C6orf132: variants seen among roughly 807,000 people sequenced by gnomAD.
C6orf132 encodes uncharacterized protein C6orf132.
Under a neutral mutation model 65.3 loss-of-function variants are expected in C6orf132, and 43 were observed. That is an observed-to-expected ratio of 0.66 (90% confidence interval 0.52 to 0.85). The LOEUF is 0.85. Among genes scored for constraint, C6orf132 ranks in the 40% least tolerant of loss-of-function variants. C6orf132 has a pLI of 0.00. For missense variants in C6orf132, 1,488 were observed against 1,548.8 expected, an observed-to-expected ratio of 0.96 and a Z score of 0.66; for synonymous variants, 631 against 654.1, an observed-to-expected ratio of 0.96 and a Z score of 0.54.
At chr6:42,136,137 AT>A (rs1766938122) in intron 1 of C6orf132, among the ~76,000 whole-genome samples, 2 of 142,990 alleles carry the variant, frequency 1.4e-5, no homozygotes, top group Admixed American at 1.5e-4. Flanking sequence ...TAAAAAAAAA[AT>A]AAAAACTTAC....
In C6orf132 at chr6:42,110,252, A is replaced by T; in HGVS notation, c.292T>A (p.Ser98Thr). The T allele has an allele frequency of 6.5e-7, 1 of 1,548,346 alleles. No individual in the cohort carries two copies. The highest frequency in any genetic ancestry group is 2.5e-5 in the East Asian group (1 of 40,474). Residue 98 changes from serine to threonine, a missense_variant, in exon 3 of 5, where the codon TCG becomes ACG. Physicochemically the swap from Ser to Thr is moderately conservative, Grantham distance 58 (BLOSUM62 1). Transcript: ENST00000341865. ...ENHGLAVPTPSVPDDFADKEV... is the reference protein window; with the variant it reads ...ENHGLAVPTPTVPDDFADKEV... The stretch of plus-strand genomic sequence containing the variant: ...TTGTCTGCAAAATCATCTGGAACCG[A>T]GGGGGTGGGCACAGCCAGCCCATGG...
chr6:42,142,186 G>C, intron 1 of C6orf132, 114 bp downstream of exon 1: 1 of 1,246,946 alleles, frequency 8.0e-7, no homozygotes, highest in Admixed American at 2.5e-5. Flanking sequence ...CTCTCGGCCA[G>C]TCCGCAGGTT....
intron 1 of C6orf132, among the ~76,000 whole-genome samples, chr6:42,139,490 C>T (rs1259459041): frequency 1.3e-5 from 2 of 152,230 alleles, no homozygotes; most frequent in African/African-American, 4.8e-5. Flanking sequence ...AGCTACTCAA[C>T]TCTAGCCATA....
chr6:42,110,750 T>C (rs1425707929), intron 2 of C6orf132, among the ~76,000 whole-genome samples: 1 of 152,224 alleles, frequency 6.6e-6, no homozygotes, highest in Non-Finnish European at 1.5e-5. Flanking sequence ...AAGACACTTG[T>C]TTTTGTATGA....
At chr6:42,132,904 C>G (rs1766876784) in intron 1 of C6orf132, among the ~76,000 whole-genome samples, 2 of 148,286 alleles carry the variant, frequency 1.3e-5, no homozygotes, top group Admixed American at 6.6e-5. Flanking sequence ...GGAGGTGTGG[C>G]TGCAATCAGG....
chr6:42,106,067 G>A lies in C6orf132; in HGVS notation c.1845C>T (p.Ala615=), dbSNP rs1422437606. 10 of 1,537,214 alleles carry A rather than the reference G, an allele frequency of 6.5e-6. No homozygotes were observed. Among genetic ancestry groups the A allele is most frequent in the Non-Finnish European group, 8.7e-6 (10 of 1,146,886 alleles). Residue 615 remains alanine (A), a synonymous_variant, in exon 4 of 5, where the codon GCC becomes GCT. Coordinates refer to ENST00000341865, the MANE Select transcript of C6orf132 (RefSeq NM_001164446.3). ...ADDDKLSKPV[A]KNLPPQSTTL... ...TGGTGGATTGAGGTGGCAGATTCTT[G>A]GCCACAGGCTTGGAGAGTTTGTCAT... is the stretch of plus-strand genomic sequence containing the variant.
chr6:42,110,380 G>GA, intron 2 of C6orf132, 89 bp from the exon 3 acceptor site: 1 of 1,015,016 alleles, frequency 9.9e-7, no homozygotes, highest in Non-Finnish European at 1.4e-6. Flanking sequence ...TTTACTGCTT[G>GA]AAAATCTGCA....
chr6:42,138,850 AACACAC>A (rs59373265), intron 1 of C6orf132, among the ~76,000 whole-genome samples: 13 of 142,748 alleles, frequency 9.1e-5, no homozygotes, highest in Non-Finnish European at 1.2e-4. Flanking sequence ...CATGCATTTA[AACACAC>A]ACACACACAC....
In C6orf132 at chr6:42,137,185, C is replaced by G. The variant is rs2474348; in HGVS notation, c.145+5115G>C. Among the ~76,000 whole-genome samples, 791 of 152,222 alleles carry G rather than the reference C, an allele frequency of 5.2e-3. 7 individuals are homozygous for G. Among genetic ancestry groups the G allele is most frequent in the African/African-American group, 0.018 (735 of 41,532 alleles). On this transcript the variant is annotated intron_variant, in intron 1 of 4. Coordinates refer to ENST00000341865, the MANE Select transcript of C6orf132 (RefSeq NM_001164446.3). ...GACATTCAAAGCTTTTAGTCCAGAG[C>G]CTGGTGACAATAATTACATTACTGT...
intron 2 of C6orf132, among the ~76,000 whole-genome samples, chr6:42,112,016 C>T (rs1401022724): frequency 1.1e-5 from 1 of 88,960 alleles, no homozygotes; most frequent in Non-Finnish European, 2.2e-5. Flanking sequence ...TCACCGACTC[C>T]CTCCCTGCCA....
In C6orf132 at chr6:42,103,796, C is replaced by T. The variant is rs1016379273; in HGVS notation, c.3532G>A (p.Val1178Ile). The T allele has an allele frequency of 7.4e-6, 11 of 1,485,596 alleles. No homozygotes were observed. The Admixed American group carries it at 1.8e-4, about 24-fold the overall frequency. The allele number at this position is 1,485,596 out of a possible 1,614,324, so 92.0% of individuals were successfully genotyped here. ...GCTTTCCGATGGGCCCCTGAGCAGA[C>T]ATAGGAGATGGGATGGCGGGTCCCA... is the stretch of plus-strand genomic sequence containing the variant. ...RPGTRHPISY[V>I]CSGAHRKATS Residue 1178 changes from valine (V) to isoleucine (I), a missense_variant, in exon 5 of 5, where the codon GTC (valine) becomes ATC (isoleucine). Val to Ile is a conservative substitution (Grantham distance 29, BLOSUM62 3). Transcript: ENST00000341865.
In C6orf132 at chr6:42,107,504, A is replaced by G; in HGVS notation, c.408T>C (p.Asp136=). ...GDLRPGQYGQ[D]LLIPPPPPGP... is the part of the protein sequence containing the mutation. ...CTGGGGGAGGTGGGGGGATGAGTAG[A>G]TCCTGGCCATATTGTCCAGGCCTCA... Residue 136 remains aspartate, a synonymous_variant, in exon 4 of 5, where the codon GAT becomes GAC. Coordinates refer to ENST00000341865, the MANE Select transcript of C6orf132 (RefSeq NM_001164446.3). The G allele has an allele frequency of 6.5e-7, 1 of 1,549,356 alleles. No homozygotes were observed.
Position 42,106,923 on chromosome 6 carries a change from G to A in C6orf132, c.989C>T (p.Ala330Val), listed in dbSNP as rs1562033698. 1 of 1,536,174 alleles carries A rather than the reference G, an allele frequency of 6.5e-7. No individual in the cohort carries two copies. Among genetic ancestry groups the A allele is most frequent in the Non-Finnish European group, 8.7e-7 (1 of 1,146,412 alleles). The part of the protein sequence containing the change: ...AQEAPRKEEG[A>V]TKKAPSRLPL... The stretch of plus-strand genomic sequence containing the variant: ...GAGTCGGCTGGGAGCCTTCTTGGTG[G>A]CCCCCTCTTCCTTTCGGGGAGCCTC... Residue 330 changes from alanine (A) to valine (V), a missense_variant, in exon 4 of 5, where the codon GCC becomes GTC. Physicochemically the swap from Ala to Val is moderately conservative, Grantham distance 64 (BLOSUM62 0). Coordinates refer to ENST00000341865, the MANE Select transcript of C6orf132 (RefSeq NM_001164446.3).
chr6:42,108,804 C>T (rs557825247), intron 3 of C6orf132, among the ~76,000 whole-genome samples: 1 of 152,232 alleles, frequency 6.6e-6, no homozygotes, highest in Admixed American at 6.5e-5. Context: ...ATCCTTTGCT[C>T]CCCTCCTCTC....
At chr6:42,139,614 G>C (rs1423495024) in intron 1 of C6orf132, among the ~76,000 whole-genome samples, 1 of 152,200 alleles carries the variant, frequency 6.6e-6, no homozygotes, top group Non-Finnish European at 1.5e-5. Context: ...CCTTGCTTTA[G>C]AGCAAGCTTG....
chr6:42,105,424 C>T lies in C6orf132; in HGVS notation c.2488G>A (p.Gly830Arg). 7 of 1,535,504 alleles carry T rather than the reference C, an allele frequency of 4.6e-6. No individual in the cohort carries two copies. The highest frequency in any genetic ancestry group is 6.1e-6 in the Non-Finnish European group (7 of 1,146,236). ...GGCGAGCCCCGCTCCACCACCTCCC[C>T]AGTCACCGGGTGCCTGAGGAGTTCA... ...TDELLRHPVT[G>R]EVVERGSPMA... is the part of the protein sequence containing the mutation. The change falls in exon 4 of 5, where the codon GGG becomes AGG. Residue 830 changes from glycine (G) to arginine (R), a missense_variant. By Grantham distance (125) the Gly-to-Arg change is moderately radical. Coordinates refer to ENST00000341865, the MANE Select transcript of C6orf132 (RefSeq NM_001164446.3).
intron 1 of C6orf132, among the ~76,000 whole-genome samples, chr6:42,134,611 TA>T (rs1766909337): frequency 2.0e-5 from 3 of 151,866 alleles, no homozygotes; most frequent in Admixed American, 2.0e-4. Flanking sequence ...CCGTCTCCAC[TA>T]AAAATACAAA....
chr6:42,107,754 TG>T (rs942983748), intron 3 of C6orf132, among the ~76,000 whole-genome samples, 171 bp from the exon 4 acceptor site: 3 of 152,160 alleles, frequency 2.0e-5, no homozygotes, highest in Non-Finnish European at 2.9e-5. Context: ...TGAGCTGTCC[TG>T]GGGGTGTCCC....
chr6:42,105,301 G>A lies in C6orf132; in HGVS notation c.2611C>T (p.His871Tyr). 1 of 1,537,116 alleles carries A rather than the reference G, an allele frequency of 6.5e-7. No individual in the cohort carries two copies. The highest frequency in any genetic ancestry group is 8.7e-7 in the Non-Finnish European group (1 of 1,146,894). ...GAGCTGGCCTCGGCTTGGTGGCTGT[G>A]GTCACGGAGACTTCCTGGCAGAGAG... is the stretch of plus-strand genomic sequence containing the variant. ...RSSLPGSLRD[H>Y]SHQAEASSDS... The change falls in exon 4 of 5, where the codon CAC (histidine) becomes TAC (tyrosine). Residue 871 changes from histidine (H) to tyrosine (Y), a missense_variant. By Grantham distance (83) the His-to-Tyr change is moderately conservative. Transcript: ENST00000341865.
Sources: allele counts gnomAD v4.1 joint callset (sites outside exome capture counted in the v4.1 genomes callset), GRCh38; gene constraint gnomAD v4.1.1; transcripts MANE v1.5; gene names NCBI Gene and HGNC (gene_info 2026-07-23, HGNC 2026-07-21).